Variants in CRYM observed in about 807,000 individuals in gnomAD.
CRYM encodes the protein ketimine reductase mu-crystallin.
Under a neutral mutation model 32.9 loss-of-function variants are expected in CRYM, and 18 were observed. The observed-to-expected ratio is 0.55, with a 90% confidence interval of 0.38 to 0.81. CRYM has a LOEUF of 0.81. Among genes scored for constraint, CRYM ranks in the 30% least tolerant of loss-of-function variants. The pLI is 0.00. For synonymous variants in CRYM, 153 were observed against 152.4 expected (o/e 1.00, Z -0.03); for missense variants, 337 against 393.5 (o/e 0.86, Z 1.21).
At chr16:21,285,076 T>G (rs1363452619) in intron 1 of CRYM, among the ~76,000 whole-genome samples, 1 of 152,250 alleles carries the variant, frequency 6.6e-6, no homozygotes, top group Non-Finnish European at 1.5e-5. Flanking sequence ...TGTCTTCTTT[T>G]GAGAAATGTT....
chr16:21,282,511 C>T (rs1226758992), upstream of CRYM, among the ~76,000 whole-genome samples: 1 of 151,916 alleles, frequency 6.6e-6, no homozygotes, highest in Non-Finnish European at 1.5e-5. Flanking sequence ...ATAAGAAAGC[C>T]AGATATTTAT....
chr16:21,294,894 A>G (rs975053337), intron 1 of CRYM, among the ~76,000 whole-genome samples: 12 of 151,796 alleles, frequency 7.9e-5, no homozygotes, highest in Admixed American at 7.2e-4. Flanking sequence ...ACAGGGTTTC[A>G]CCATGTTGGC....
chr16:21,271,365 T>C (rs2093375105), intron 3 of CRYM, among the ~76,000 whole-genome samples: 1 of 152,238 alleles, frequency 6.6e-6, no homozygotes, highest in South Asian at 2.1e-4. Context: ...CTGCCTTTTC[T>C]CTATTCCATT....
intron 1 of CRYM, among the ~76,000 whole-genome samples, chr16:21,286,395 T>TG (rs1387073100): frequency 1.0e-4 from 15 of 150,694 alleles, no homozygotes; most frequent in African/African-American, 2.0e-4. Context: ...TTTTTTTTTT[T>TG]TTTTTTTGTA....
intron 1 of CRYM, among the ~76,000 whole-genome samples, chr16:21,284,681 A>C (rs1003817438): frequency 6.6e-6 from 1 of 152,210 alleles, no homozygotes; most frequent in African/African-American, 2.4e-5. Context: ...CCAATCCACC[A>C]TTGATAGGCA....
chr16:21,259,744 C>T (rs2093350980), intron 7 of CRYM, among the ~76,000 whole-genome samples: 1 of 152,232 alleles, frequency 6.6e-6, no homozygotes. Context: ...TTGAATGCTG[C>T]ATCCTTTGAT....
intron 1 of CRYM, among the ~76,000 whole-genome samples, chr16:21,290,710 T>C (rs1960625098): frequency 6.6e-6 from 1 of 152,228 alleles, no homozygotes. Context: ...TCATATATAT[T>C]CATAAACTGT....
At chr16:21,282,144 T>C (rs1255388146), upstream of CRYM, among the ~76,000 whole-genome samples, 5 of 152,192 alleles carry the variant, frequency 3.3e-5, no homozygotes, top group Admixed American at 3.3e-4. Context: ...CTGATGGTTT[T>C]AAAAATGGGA....
intron 1 of CRYM, among the ~76,000 whole-genome samples, chr16:21,292,014 T>G (rs762291924): frequency 3.1e-4 from 47 of 152,162 alleles, no homozygotes; most frequent in Non-Finnish European, 3.1e-4. Flanking sequence ...ATTGGATGTC[T>G]TCTTCTAGAA....
chr16:21,278,173 GA>G lies in CRYM; in HGVS notation c.78del (p.Leu27Ter). 1 of 1,552,514 alleles carries G rather than the reference GA, an allele frequency of 6.4e-7. No homozygotes were observed. The highest frequency in any genetic ancestry group is 8.7e-7 in the Non-Finnish European group (1 of 1,148,470). On this transcript the variant is annotated frameshift_variant, in exon 1 of 8. Coordinates refer to ENST00000572914, the MANE Select transcript of CRYM (RefSeq NM_001376256.1). LOFTEE classifies it high-confidence loss of function. ...GAGAAGTTGGCCAGGGCCGTCTCTAGAGGCGGGATGAGGAGGCTGGAGCTGC... is the reference window on the plus strand; with the variant it reads ...GAGAAGTTGGCCAGGGCCGTCTCTAGGGCGGGATGAGGAGGCTGGAGCTGC... ...HLRSSSLLIPPLETALANFSS... is the reference protein window; with the variant it reads ...HLRSSSLLIPXLETALANFSS...
chr16:21,280,656 G>A (rs892711831), upstream of CRYM, among the ~76,000 whole-genome samples: 7 of 152,228 alleles, frequency 4.6e-5, no homozygotes, highest in African/African-American at 1.2e-4. Context: ...CTAAGGCCAT[G>A]CCAGGAAGGG....
chr16:21,297,931 G>C (rs753874174), intron 1 of CRYM, among the ~76,000 whole-genome samples: 1 of 152,180 alleles, frequency 6.6e-6, no homozygotes, highest in Non-Finnish European at 1.5e-5. Context: ...ATAAAAGAAT[G>C]ATCTTTATGT....
intron 1 of CRYM, among the ~76,000 whole-genome samples, chr16:21,295,716 T>G (rs1356321470): frequency 1.3e-5 from 2 of 152,206 alleles, no homozygotes; most frequent in Non-Finnish European, 2.9e-5. Context: ...GCAGATCACC[T>G]GAGGTCAGGA....
chr16:21,292,826 T>G (rs226046), intron 1 of CRYM, among the ~76,000 whole-genome samples: 97,644 of 151,856 alleles, frequency 0.64, 33,970 homozygotes, highest in African/African-American at 0.91. Flanking sequence ...AAAAGAACTT[T>G]ATTATCCCAA....
At chr16:21,282,772 G>C (rs187373717), upstream of CRYM, among the ~76,000 whole-genome samples, 168 of 152,142 alleles carry the variant, frequency 1.1e-3, 3 homozygotes, top group Middle Eastern at 3.4e-3. Flanking sequence ...CATCACCCAG[G>C]TCCTCAGTAA....
intron 3 of CRYM, among the ~76,000 whole-genome samples, chr16:21,274,669 G>T (rs1198737436): frequency 6.6e-6 from 1 of 151,920 alleles, no homozygotes; most frequent in East Asian, 1.9e-4. Flanking sequence ...GCAGTGGCTC[G>T]ATCTGGGCTC....
At chr16:21,290,811 T>C (rs1960630591) in intron 1 of CRYM, among the ~76,000 whole-genome samples, 2 of 152,320 alleles carry the variant, frequency 1.3e-5, no homozygotes, top group Non-Finnish European at 2.9e-5. Flanking sequence ...ATATATTCCT[T>C]ATCCTCTTTC....
intron 5 of CRYM, among the ~76,000 whole-genome samples, chr16:21,265,949 C>T (rs924298974): frequency 1.3e-5 from 2 of 152,176 alleles, no homozygotes; most frequent in African/African-American, 2.4e-5. Flanking sequence ...TTGGGCTTGG[C>T]ACAGTGGCTC....
intron 1 of CRYM, among the ~76,000 whole-genome samples, chr16:21,302,244 G>A (rs190422165): frequency 6.6e-6 from 1 of 152,186 alleles, no homozygotes; most frequent in African/African-American, 2.4e-5. Flanking sequence ...AAATTGCTTG[G>A]TTTCTCTAAG....
Sources: allele counts gnomAD v4.1 joint callset (sites outside exome capture counted in the v4.1 genomes callset), GRCh38; gene constraint gnomAD v4.1.1; transcripts MANE v1.5; gene names NCBI Gene and HGNC (gene_info 2026-07-23, HGNC 2026-07-21).